Variants in FN1 observed in about 807,000 individuals in gnomAD.
FN1 encodes fibronectin 1, also known as fibronectin.
FN1 carries 106 observed loss-of-function variants against 297.3 expected under a neutral mutation model. The observed-to-expected ratio is 0.36, with a 90% CI of 0.30 to 0.42. The LOEUF (loss-of-function observed/expected upper bound fraction) is 0.42, where lower values mean the gene tolerates loss of function less well. Among genes scored for constraint, FN1 ranks in the 10% least tolerant of loss-of-function variants. The pLI is 1.00. For missense variants in FN1, 2,690 were observed against 3,124.9 expected (o/e 0.86, Z 3.32); for synonymous variants, 1,149 against 1,152.6 (o/e 1.00, Z 0.06).
chr2:215,367,629 G>A (rs1266761442), intron 42 of FN1: 1 of 551,112 alleles, frequency 1.8e-6, no homozygotes, highest in Non-Finnish European at 3.3e-6. Context: ...AATCTTATGT[G>A]TAATTAATAG....
At position 215,408,292 on chromosome 2, in the gene FN1, A is replaced by G. The variant is rs750798739; in HGVS notation, c.2428+6T>C. 17 of 1,614,072 alleles carry G rather than the reference A, an allele frequency of 1.1e-5. No individual in the cohort carries two copies. In the East Asian group the frequency reaches 3.1e-4, roughly 30 times the overall value. ...ATTCTTTTAACACTATGTAGCACAC[A>G]TGTACCTGTTGTTTGTGAAGTAGAC... is the stretch of plus-strand genomic sequence containing the variant. On this transcript the variant is annotated splice_donor_region_variant and intron_variant, in intron 16 of 45. Coordinates refer to ENST00000354785, the MANE Select transcript of FN1 (RefSeq NM_212482.4).
chr2:215,400,258 A>T (rs1161450952), intron 20 of FN1, among the ~76,000 whole-genome samples: 1 of 152,178 alleles, frequency 6.6e-6, no homozygotes, highest in Admixed American at 6.5e-5. Flanking sequence ...TGGTTGCAAT[A>T]AAAGATGCTA....
intron 20 of FN1, among the ~76,000 whole-genome samples, chr2:215,401,335 GGGAAA>G (rs1394885970): frequency 4.6e-5 from 7 of 150,768 alleles, no homozygotes; most frequent in African/African-American, 1.2e-4. Flanking sequence ...AAGAAAGAAA[GGGAAA>G]GGAAAGGAAA....
intron 28 of FN1, among the ~76,000 whole-genome samples, chr2:215,385,526 C>G (rs559245201): frequency 6.9e-4 from 102 of 147,606 alleles, no homozygotes; most frequent in African/African-American, 2.5e-3. Flanking sequence ...CCCACCATTG[C>G]ACTCCAGCCT....
At chr2:215,404,768 G>T in intron 19 of FN1, 113 bp from the exon 20 acceptor site, 1 of 1,041,498 alleles carries the variant, frequency 9.6e-7, no homozygotes, top group Non-Finnish European at 1.5e-6. Context: ...TTGTAACTAT[G>T]TGAAAGTCAA....
At chr2:215,379,062 C>T (rs1213574433) in intron 34 of FN1, 68 bp downstream of exon 34, 9 of 1,304,892 alleles carry the variant, frequency 6.9e-6, no homozygotes, top group Non-Finnish European at 1.0e-5. Flanking sequence ...ATTATATTTT[C>T]ACCACCTTAG....
intron 40 of FN1, among the ~76,000 whole-genome samples, chr2:215,371,597 C>G (rs1457211912): frequency 1.3e-5 from 2 of 148,228 alleles, no homozygotes; most frequent in African/African-American, 5.0e-5. Flanking sequence ...CAAAGTAGAG[C>G]CATATTGGGA....
At chr2:215,394,410 G>A (rs1287808019) in intron 24 of FN1, 118 bp downstream of exon 24, 1 of 917,112 alleles carries the variant, frequency 1.1e-6, no homozygotes, top group Admixed American at 1.7e-5. Flanking sequence ...GTGCAGCTGG[G>A]AGATCGGAAT....
At chr2:215,392,468 C>G in intron 25 of FN1, 1 of 211,062 alleles carries the variant, frequency 4.7e-6, no homozygotes, top group Non-Finnish European at 9.7e-6. Flanking sequence ...CCCATCCACT[C>G]TACCCTAAAT....
chr2:215,361,589 T>G lies in FN1; in HGVS notation c.7400A>C (p.Asp2467Ala). ...NCPIECFMPL[D>A]VQADREDSRE ...GGAATCTTCTCTGTCAGCCTGTACA[T>G]CTAAAGGCATGAAGCACTCAATTGG... The change falls in exon 46 of 46, where the codon GAT becomes GCT. Residue 2467 changes from aspartate to alanine, a missense_variant. Physicochemically the swap from Asp to Ala is moderately radical, Grantham distance 126 (BLOSUM62 -2). This residue lies in a region of FN1 where 1,743 missense variants were observed against 1,945.2 expected (regional missense o/e 0.90). Coordinates refer to ENST00000354785, the MANE Select transcript of FN1 (RefSeq NM_212482.4). The G allele has an allele frequency of 6.2e-7, 1 of 1,612,556 alleles. No individual in the cohort carries two copies. The highest frequency in any genetic ancestry group is 8.5e-7 in the Non-Finnish European group (1 of 1,178,890).
chr2:215,389,256 A>G (rs772515097), intron 26 of FN1, among the ~76,000 whole-genome samples: 20 of 152,010 alleles, frequency 1.3e-4, no homozygotes, highest in Non-Finnish European at 2.1e-4. Flanking sequence ...GGTGCCTGCC[A>G]CCATGCCTGG....
intron 20 of FN1, among the ~76,000 whole-genome samples, chr2:215,403,624 T>C (rs2061409824): frequency 6.6e-6 from 1 of 152,208 alleles, no homozygotes; most frequent in South Asian, 2.1e-4. Flanking sequence ...ATGTATTTAA[T>C]AGGAATCGGT....
intron 5 of FN1, 44 bp from the exon 6 acceptor site, chr2:215,428,382 G>A (rs367685371): frequency 2.3e-5 from 37 of 1,581,402 alleles, no homozygotes; most frequent in East Asian, 6.7e-5. Flanking sequence ...GTCGAGAGTC[G>A]CAAGTGGTCA....
At chr2:215,411,247 C>T (rs561574454) in intron 13 of FN1, among the ~76,000 whole-genome samples, 45 of 152,152 alleles carry the variant, frequency 3.0e-4, no homozygotes, top group Non-Finnish European at 5.1e-4. Context: ...ATGAAAGAAA[C>T]ACCCTTCAGA....
intron 6 of FN1, among the ~76,000 whole-genome samples, chr2:215,426,961 C>T (rs2065561847): frequency 6.6e-6 from 1 of 151,708 alleles, no homozygotes; most frequent in African/African-American, 2.4e-5. Flanking sequence ...CTGCAAACTC[C>T]ACCTCCCGGG....
chr2:215,433,690 A>G lies in FN1; in HGVS notation c.278-229T>C, dbSNP rs76042551. On this transcript the variant is annotated intron_variant, in intron 2 of 45. Coordinates refer to ENST00000354785, the MANE Select transcript of FN1 (RefSeq NM_212482.4). ...TCTGTAAATTATTCATATTGTAGAAAAATCTCAGGCTCTTAGGAAAAGGCC... is the reference window on the plus strand; with the variant it reads ...TCTGTAAATTATTCATATTGTAGAAGAATCTCAGGCTCTTAGGAAAAGGCC... Among the ~76,000 whole-genome samples, 1,458 of 152,360 alleles carry G rather than the reference A, an allele frequency of 9.6e-3. 25 individuals carry two copies. The highest frequency in any genetic ancestry group is 0.033 in the African/African-American group (1,373 of 41,578).
chr2:215,408,021 AT>A, intron 17 of FN1, 86 bp downstream of exon 17: 1 of 916,854 alleles, frequency 1.1e-6, no homozygotes, highest in Non-Finnish European at 1.8e-6. Flanking sequence ...TTAAAGTGAT[AT>A]GCAGGTCCGC....
At chr2:215,422,390 G>A in intron 9 of FN1, 147 bp from the exon 10 acceptor site, 2 of 823,298 alleles carry the variant, frequency 2.4e-6, no homozygotes, top group Non-Finnish European at 4.2e-6. Flanking sequence ...TCTAAGTGCT[G>A]TCAGGTGAAG....
chr2:215,431,710 T>C (rs1231275574), intron 4 of FN1, 123 bp downstream of exon 4: 2 of 1,015,486 alleles, frequency 2.0e-6, no homozygotes, highest in Non-Finnish European at 3.1e-6. Context: ...TCAAACAAAA[T>C]TCCCATTTCT....
Sources: gnomAD v4.1 joint callset for allele counts (sites outside exome capture counted in the v4.1 genomes callset) on GRCh38, gnomAD v4.1.1 for gene constraint, gnomAD v4.1.1 regional missense constraint, MANE v1.5 for transcripts, NCBI Gene and HGNC (gene_info 2026-07-23, HGNC 2026-07-21) for gene names.